MRTFA: variants seen among roughly 807,000 people sequenced by gnomAD.
MRTFA encodes the protein myocardin related transcription factor A, also known as myocardin-related transcription factor A.
Under a neutral mutation model 83.5 loss-of-function variants are expected in MRTFA, and 20 were observed. The observed-to-expected ratio is 0.24, with a 90% CI of 0.17 to 0.35. The LOEUF is 0.35. MRTFA is among the 10% of genes least tolerant of loss of function. The probability of loss-of-function intolerance (pLI) is 1.00; values close to 1 mark genes in which losing one functional copy is unlikely to be tolerated. For synonymous variants in MRTFA, 659 were observed against 541.2 expected, an observed-to-expected ratio of 1.22 and a Z score of -3.02; for missense variants, 1,200 against 1,224.7, an observed-to-expected ratio of 0.98 and a Z score of 0.30.
At chr22:40,530,184 A>G (rs1004817977) in intron 3 of MRTFA, among the ~76,000 whole-genome samples, 1 of 152,222 alleles carries the variant, frequency 6.6e-6, no homozygotes, top group African/African-American at 2.4e-5. Context: ...AGCTGTCAAG[A>G]GCCAAGTCCT....
intron 3 of MRTFA, among the ~76,000 whole-genome samples, chr22:40,502,131 G>T (rs1242942598): frequency 1.0e-5 from 1 of 98,074 alleles, no homozygotes; most frequent in African/African-American, 3.6e-5. Flanking sequence ...CTCACCTCCC[G>T]GACGGGGCGG....
At chr22:40,424,127 C>T (rs1018825216) in intron 8 of MRTFA, 79 bp downstream of exon 8, 50 of 1,415,582 alleles carry the variant, frequency 3.5e-5, no homozygotes, top group Non-Finnish European at 4.7e-5. Flanking sequence ...GGAGGCATCC[C>T]GTGGCCCAGG....
At chr22:40,423,736 G>T (rs368176786) in intron 8 of MRTFA, 51 bp from the exon 9 acceptor site, 4 of 1,451,656 alleles carry the variant, frequency 2.8e-6, no homozygotes, top group Non-Finnish European at 3.7e-6. Context: ...GGTAGGGTGT[G>T]CCCAGCCTGC....
intron 3 of MRTFA, among the ~76,000 whole-genome samples, chr22:40,525,340 T>C (rs992873785): frequency 6.6e-6 from 1 of 152,090 alleles, no homozygotes; most frequent in African/African-American, 2.4e-5. Context: ...AAATTTTTTG[T>C]AAAGATGGAA....
At chr22:40,513,973 C>T (rs2054712977) in intron 3 of MRTFA, among the ~76,000 whole-genome samples, 1 of 151,470 alleles carries the variant, frequency 6.6e-6, no homozygotes, top group African/African-American at 2.4e-5. Context: ...AAAAAGAGGC[C>T]GGGCACGGTG....
chr22:40,474,917 C>A (rs985721118), intron 3 of MRTFA, among the ~76,000 whole-genome samples: 6 of 152,096 alleles, frequency 3.9e-5, no homozygotes, highest in African/African-American at 1.4e-4. Flanking sequence ...TGGCTCAATG[C>A]AGCCTCCGCC....
intron 4 of MRTFA, among the ~76,000 whole-genome samples, chr22:40,459,428 T>TC (rs775814339): frequency 6.6e-6 from 1 of 151,958 alleles, no homozygotes; most frequent in Non-Finnish European, 1.5e-5. Context: ...CAAGACTATG[T>TC]CCATAGCTGA....
chr22:40,594,150 T>C (rs2056158767), intron 2 of MRTFA, among the ~76,000 whole-genome samples: 1 of 152,226 alleles, frequency 6.6e-6, no homozygotes, highest in Non-Finnish European at 1.5e-5. Context: ...CTCTAGTGGT[T>C]ACAGATGGAC....
At chr22:40,462,364 G>A (rs1282133597) in intron 4 of MRTFA, among the ~76,000 whole-genome samples, 7 of 152,314 alleles carry the variant, frequency 4.6e-5, no homozygotes, top group South Asian at 2.1e-4. Flanking sequence ...ATGAGAGCTA[G>A]GAAAATATGG....
chr22:40,527,227 C>T (rs917829719), intron 3 of MRTFA, among the ~76,000 whole-genome samples: 13 of 152,044 alleles, frequency 8.6e-5, no homozygotes, highest in Non-Finnish European at 1.5e-4. Flanking sequence ...GTAGTTGTCA[C>T]ATAGTCCTCT....
chr22:40,419,147 C>T lies in MRTFA; in HGVS notation c.1591G>A (p.Val531Met). The T allele has an allele frequency of 1.3e-6, 2 of 1,586,078 alleles. No individual in the cohort carries two copies. Among genetic ancestry groups the T allele is most frequent in the Non-Finnish European group, 1.7e-6 (2 of 1,166,044 alleles). Reference sequence around the variant, plus strand: ...CTGCTGGCCACCGTGGCCACCACCACCTCAGCTGGAGCCAGGCCTGCTGCC... The same window carrying T: ...CTGCTGGCCACCGTGGCCACCACCATCTCAGCTGGAGCCAGGCCTGCTGCC... Residue 531 changes from valine to methionine, a missense_variant, in exon 12 of 15, where the codon GTG (valine) becomes ATG (methionine). Val to Met is a conservative substitution (Grantham distance 21). This residue lies in a region of MRTFA where 1,107 missense variants were observed against 1,041.8 expected (regional missense o/e 1.06). Coordinates refer to ENST00000355630, the MANE Select transcript of MRTFA (RefSeq NM_020831.6).
intron 3 of MRTFA, among the ~76,000 whole-genome samples, chr22:40,498,722 C>T (rs1256295030): frequency 1.3e-5 from 2 of 152,084 alleles, no homozygotes; most frequent in Non-Finnish European, 2.9e-5. Context: ...TGGCCAAGAC[C>T]TATGCAGATC....
At chr22:40,488,257 A>G (rs749562251) in intron 3 of MRTFA, among the ~76,000 whole-genome samples, 8 of 152,198 alleles carry the variant, frequency 5.3e-5, no homozygotes, top group Non-Finnish European at 1.2e-4. Flanking sequence ...TACAAGGTTA[A>G]GGTCACAGCC....
intron 3 of MRTFA, among the ~76,000 whole-genome samples, chr22:40,544,103 C>T (rs2055329187): frequency 6.6e-6 from 1 of 151,796 alleles, no homozygotes; most frequent in South Asian, 2.1e-4. Context: ...AAACGGAATC[C>T]ACTTGAAAAA....
intron 4 of MRTFA, among the ~76,000 whole-genome samples, chr22:40,440,955 C>T (rs1035107811): frequency 1.3e-5 from 2 of 152,198 alleles, no homozygotes; most frequent in African/African-American, 4.8e-5. Flanking sequence ...TCATCTTAGA[C>T]TCCATCTCCC....
Position 40,418,749 on chromosome 22 carries a change from C to CGGGT in MRTFA, c.1988_1989insACCC (p.Pro666ArgfsTer67). The stretch of plus-strand genomic sequence containing the variant: ...CGAGGGGGGCGGGGGCGGGGGCGGG[C>CGGGT]TGCTGGGCTCGCTTCTCCTGCTCCA... On this transcript the variant is annotated frameshift_variant, in exon 12 of 15. Coordinates refer to ENST00000355630, the MANE Select transcript of MRTFA (RefSeq NM_020831.6). LOFTEE classifies it high-confidence loss of function. The CGGGT allele has an allele frequency of 6.7e-7, 1 of 1,501,044 alleles. No homozygotes were observed. Among genetic ancestry groups the CGGGT allele is most frequent in the African/African-American group, 1.4e-5 (1 of 71,792 alleles). The allele number at this position is 1,501,044 out of a possible 1,614,324, so 93.0% of individuals were successfully genotyped here.
At chr22:40,559,639 T>G in intron 2 of MRTFA, among the ~76,000 whole-genome samples, 1 of 152,210 alleles carries the variant, frequency 6.6e-6, no homozygotes, top group Non-Finnish European at 1.5e-5. Context: ...ACTCCTGGCC[T>G]CAAGCGATCG....
chr22:40,481,901 A>G (rs976280517), intron 3 of MRTFA, among the ~76,000 whole-genome samples: 1 of 152,042 alleles, frequency 6.6e-6, no homozygotes, highest in Non-Finnish European at 1.5e-5. Flanking sequence ...TCTACTAAAA[A>G]TACAAAAAGT....
chr22:40,481,066 C>A (rs1300349288), intron 3 of MRTFA, among the ~76,000 whole-genome samples: 2 of 152,048 alleles, frequency 1.3e-5, no homozygotes, highest in Admixed American at 1.3e-4. Context: ...CATGATTATG[C>A]CACTGCAGTC....
Sources: allele counts gnomAD v4.1 joint callset (sites outside exome capture counted in the v4.1 genomes callset), GRCh38; gene constraint gnomAD v4.1.1; regional missense constraint gnomAD v4.1.1; transcripts MANE v1.5; gene names NCBI Gene and HGNC (gene_info 2026-07-23, HGNC 2026-07-21).